Variants in ENTREP2 observed in about 807,000 individuals in gnomAD.
ENTREP2 encodes the protein endosomal transmembrane epsin interactor 2.
At chr15:29,211,379 A>G in the ENTREP2 span, among the ~76,000 whole-genome samples, 1 of 152,314 alleles carries the variant, frequency 6.6e-6, no homozygotes, top group Non-Finnish European at 1.5e-5. Flanking sequence ...CCCTCCCAGC[A>G]TGACCCAGCC....
chr15:29,580,207 T>G, the ENTREP2 span, among the ~76,000 whole-genome samples: 4 of 152,228 alleles, frequency 2.6e-5, no homozygotes, highest in African/African-American at 9.6e-5. Flanking sequence ...AATGACTTTC[T>G]TCATCACCTT....
At chr15:29,595,367 CTATTAT>C in the ENTREP2 span, among the ~76,000 whole-genome samples, 3 of 152,178 alleles carry the variant, frequency 2.0e-5, no homozygotes, top group African/African-American at 7.2e-5. Flanking sequence ...CCATTTTCCC[CTATTAT>C]TATTAACATC....
chr15:29,577,797 A>G, the ENTREP2 span, among the ~76,000 whole-genome samples: 2 of 152,246 alleles, frequency 1.3e-5, no homozygotes, highest in Admixed American at 6.5e-5. Context: ...TGAACAAACC[A>G]TGAACATTAG....
At chr15:29,652,487 G>A in the ENTREP2 span, among the ~76,000 whole-genome samples, 50 of 152,354 alleles carry the variant, frequency 3.3e-4, no homozygotes, top group African/African-American at 9.4e-4. Flanking sequence ...GCTGAAACAC[G>A]CCGCTTGCTC....
At chr15:29,321,723 T>C in the ENTREP2 span, among the ~76,000 whole-genome samples, 1 of 151,644 alleles carries the variant, frequency 6.6e-6, no homozygotes, top group Non-Finnish European at 1.5e-5. Flanking sequence ...GCAGGAAATG[T>C]GTCACCAGCA....
the ENTREP2 span, among the ~76,000 whole-genome samples, chr15:29,214,000 T>C: frequency 2.6e-5 from 4 of 151,466 alleles, no homozygotes; most frequent in East Asian, 2.0e-4. Context: ...TACCATCTCA[T>C]GCCAGTTAGA....
chr15:29,187,168 G>C, the ENTREP2 span, among the ~76,000 whole-genome samples: 1 of 152,138 alleles, frequency 6.6e-6, no homozygotes, highest in African/African-American at 2.4e-5. Context: ...TCTCTTTCAG[G>C]ACAGAGGGAA....
the ENTREP2 span, among the ~76,000 whole-genome samples, chr15:29,174,712 A>AC: frequency 2.0e-5 from 3 of 148,906 alleles, no homozygotes; most frequent in Admixed American, 6.7e-5. Context: ...CAAAACAACA[A>AC]AAAAAAAAAA....
the ENTREP2 span, among the ~76,000 whole-genome samples, chr15:29,179,824 A>G: frequency 6.6e-6 from 1 of 151,778 alleles, no homozygotes; most frequent in Non-Finnish European, 1.5e-5. Context: ...TGATCTCGTG[A>G]GCTGCCCACC....
chr15:29,335,147 A>G, the ENTREP2 span, among the ~76,000 whole-genome samples: 1 of 152,216 alleles, frequency 6.6e-6, no homozygotes, highest in African/African-American at 2.4e-5. Context: ...CAGAATCATG[A>G]AAAGTGGTTG....
At chr15:29,205,447 G>A in the ENTREP2 span, among the ~76,000 whole-genome samples, 1 of 152,140 alleles carries the variant, frequency 6.6e-6, no homozygotes, top group East Asian at 1.9e-4. Context: ...GAGTGTACAA[G>A]GCTTCCAACT....
the ENTREP2 span, among the ~76,000 whole-genome samples, chr15:29,411,354 T>C: frequency 2.6e-5 from 4 of 152,212 alleles, no homozygotes; most frequent in South Asian, 2.1e-4. Context: ...TCTGTCCAAA[T>C]TGGCATTGTC....
the ENTREP2 span, among the ~76,000 whole-genome samples, chr15:29,396,155 T>C: frequency 6.6e-6 from 1 of 152,194 alleles, no homozygotes; most frequent in South Asian, 2.1e-4. Flanking sequence ...ATTTCAAATA[T>C]ACAGCACATT....
At chr15:29,597,372 C>T in the ENTREP2 span, among the ~76,000 whole-genome samples, 1 of 151,830 alleles carries the variant, frequency 6.6e-6, no homozygotes, top group South Asian at 2.1e-4. Context: ...AGTTCGAGAC[C>T]AGCCTGGCCA....
At chr15:29,473,077 C>T in the ENTREP2 span, among the ~76,000 whole-genome samples, 3 of 152,074 alleles carry the variant, frequency 2.0e-5, no homozygotes, top group Non-Finnish European at 2.9e-5. Flanking sequence ...AGGGGCAGCT[C>T]ACCAGCACTC....
chr15:29,610,419 T>C, the ENTREP2 span: 1 of 150,540 alleles, frequency 6.6e-6, no homozygotes, highest in Non-Finnish European at 1.5e-5. Flanking sequence ...TACACTGCGA[T>C]GCTTCATTCC....
the ENTREP2 span, among the ~76,000 whole-genome samples, chr15:29,143,059 C>T: frequency 6.6e-6 from 1 of 152,312 alleles, no homozygotes; most frequent in African/African-American, 2.4e-5. Flanking sequence ...ATGCATTATG[C>T]TAGTTCCATC....
chr15:29,144,698 C>T, the ENTREP2 span, among the ~76,000 whole-genome samples: 1 of 151,986 alleles, frequency 6.6e-6, no homozygotes, highest in South Asian at 2.1e-4. Context: ...CCTCTGCACT[C>T]CAGCTGGGGG....
the ENTREP2 span, among the ~76,000 whole-genome samples, chr15:29,442,853 A>T: frequency 6.6e-6 from 1 of 152,154 alleles, no homozygotes; most frequent in Non-Finnish European, 1.5e-5. Flanking sequence ...ACCCTCCCCA[A>T]TTAAAACCAC....
Sources: allele counts gnomAD v4.1 joint callset (sites outside exome capture counted in the v4.1 genomes callset), GRCh38; gene constraint gnomAD v4.1.1; transcripts MANE v1.5; gene names NCBI Gene and HGNC (gene_info 2026-07-23, HGNC 2026-07-21).